SUMF1: variants seen among roughly 807,000 people sequenced by gnomAD.
SUMF1 encodes the protein formylglycine-generating enzyme.
SUMF1 carries 48 observed loss-of-function variants against 47.6 expected under a neutral mutation model. The ratio of observed to expected loss-of-function variants is 1.01; its 90% confidence interval spans 0.80 to 1.28. The LOEUF is 1.28. SUMF1 is among the 50% of genes most tolerant of loss of function. SUMF1 has a pLI of 0.00. For missense variants in SUMF1, 571 were observed against 485.4 expected (o/e 1.18, Z -1.66); for synonymous variants, 230 against 192.1 (o/e 1.20, Z -1.63).
At chr3:4,120,128 A>C (rs1410382991) in intron 8 of SUMF1, among the ~76,000 whole-genome samples, 1 of 152,160 alleles carries the variant, frequency 6.6e-6, no homozygotes, top group Non-Finnish European at 1.5e-5. Context: ...CAGGAAGTCC[A>C]TCTTCCCACA....
intron 1 of SUMF1, among the ~76,000 whole-genome samples, chr3:4,465,872 A>G (rs1377967985): frequency 1.3e-5 from 2 of 152,230 alleles, no homozygotes; most frequent in Non-Finnish European, 2.9e-5. Flanking sequence ...AGGGGAGAGA[A>G]AGAGGAGATC....
At chr3:4,264,740 T>A (rs1172214586) in intron 8 of SUMF1, among the ~76,000 whole-genome samples, 1 of 152,154 alleles carries the variant, frequency 6.6e-6, no homozygotes, top group Non-Finnish European at 1.5e-5. Context: ...TAGCCTGGAC[T>A]CTCTCAGGCT....
chr3:4,253,114 C>T (rs528051314), intron 8 of SUMF1, among the ~76,000 whole-genome samples: 3 of 152,188 alleles, frequency 2.0e-5, no homozygotes, highest in Admixed American at 1.3e-4. Context: ...AAAAAAGGCA[C>T]TGTGAAAAGG....
Position 4,146,160 on chromosome 3 carries a change from C to A in SUMF1, c.1015-77415G>T, listed in dbSNP as rs1264522039. On this transcript the variant is annotated intron_variant and NMD_transcript_variant, in intron 8 of 12. Transcript: ENST00000448413. ...TTACTGCTGAGAGAAAAGAATCGCA[C>A]GTGTGTTCTGGGAGGATTTCAAAGA... Among the ~76,000 whole-genome samples the A allele has an allele frequency of 2.0e-5, 3 of 151,880 alleles. No homozygotes were observed. The South Asian group carries it at 6.2e-4, about 32-fold the overall frequency.
At chr3:4,090,706 T>A (rs969848358) in intron 8 of SUMF1, among the ~76,000 whole-genome samples, 8 of 152,172 alleles carry the variant, frequency 5.3e-5, no homozygotes, top group African/African-American at 1.9e-4. Context: ...ATTTTCACTT[T>A]GCATTTATTC....
intron 5 of SUMF1, among the ~76,000 whole-genome samples, chr3:4,417,793 G>A (rs1468386634): frequency 6.6e-6 from 1 of 152,222 alleles, no homozygotes; most frequent in Non-Finnish European, 1.5e-5. Flanking sequence ...CTTTGGGGCT[G>A]GAGGGAGCCC....
chr3:4,142,608 C>G (rs1345416911), intron 8 of SUMF1, among the ~76,000 whole-genome samples: 1 of 152,022 alleles, frequency 6.6e-6, no homozygotes. Context: ...TTAAGGACTA[C>G]AAAATACAGA....
chr3:4,218,080 G>A (rs576050601), intron 8 of SUMF1, among the ~76,000 whole-genome samples: 24 of 151,918 alleles, frequency 1.6e-4, no homozygotes, highest in Non-Finnish European at 3.2e-4. Context: ...ATTTCTCAGA[G>A]GCTTTAACTG....
chr3:4,144,837 G>A (rs1276297825), intron 8 of SUMF1, among the ~76,000 whole-genome samples: 1 of 152,028 alleles, frequency 6.6e-6, no homozygotes, highest in Admixed American at 6.6e-5. Context: ...TTTATTTTTA[G>A]CTAATTAAAA....
intron 8 of SUMF1, among the ~76,000 whole-genome samples, chr3:4,158,000 T>C (rs1694493197): frequency 6.6e-6 from 1 of 151,630 alleles, no homozygotes; most frequent in South Asian, 2.1e-4. Flanking sequence ...AGAAAAGCAT[T>C]TATTTCATTT....
intron 8 of SUMF1, among the ~76,000 whole-genome samples, chr3:4,136,835 A>G (rs988323430): frequency 5.9e-5 from 9 of 152,132 alleles, no homozygotes; most frequent in Non-Finnish European, 1.2e-4. Context: ...ACTTCTCCAA[A>G]GAAGACATTT....
At chr3:4,119,255 C>G (rs1220430362) in intron 8 of SUMF1, among the ~76,000 whole-genome samples, 1 of 152,134 alleles carries the variant, frequency 6.6e-6, no homozygotes, top group African/African-American at 2.4e-5. Flanking sequence ...CTATTCTCTT[C>G]CTATCCAGTC....
At chr3:4,153,152 T>A (rs1363795568) in intron 8 of SUMF1, among the ~76,000 whole-genome samples, 3 of 151,578 alleles carry the variant, frequency 2.0e-5, no homozygotes, top group Admixed American at 6.6e-5. Context: ...CGTAAATACA[T>A]ACAATAAAAT....
chr3:4,358,943 T>G (rs1246700888), downstream of SUMF1, among the ~76,000 whole-genome samples: 1 of 151,656 alleles, frequency 6.6e-6, no homozygotes, highest in African/African-American at 2.4e-5. Context: ...CCAGTGGAGA[T>G]TGAATTAGGC....
chr3:4,229,463 G>A, intron 8 of SUMF1: 3 of 236,214 alleles, frequency 1.3e-5, no homozygotes, highest in Non-Finnish European at 2.5e-5. Flanking sequence ...GGTAATTTGA[G>A]AAAAACTATT....
chr3:4,363,352 T>C (rs140752202), intron 8 of SUMF1, among the ~76,000 whole-genome samples: 2 of 152,200 alleles, frequency 1.3e-5, no homozygotes, highest in African/African-American at 2.4e-5. Context: ...CATTGCTTTT[T>C]AAAAATACAT....
chr3:4,445,556 G>A (rs957906508), intron 3 of SUMF1, among the ~76,000 whole-genome samples: 3 of 151,972 alleles, frequency 2.0e-5, no homozygotes, highest in African/African-American at 7.3e-5. Context: ...TCTTGCCCAG[G>A]CTGGTCTTGA....
intron 8 of SUMF1, among the ~76,000 whole-genome samples, chr3:4,102,034 C>T (rs1484969433): frequency 1.3e-5 from 2 of 152,118 alleles, no homozygotes; most frequent in African/African-American, 2.4e-5. Context: ...TGAGAACTCA[C>T]TCACTACCAA....
intron 5 of SUMF1, 47 bp from the exon 6 acceptor site, chr3:4,417,289 T>G: frequency 4.3e-4 from 666 of 1,558,870 alleles, no homozygotes; most frequent in Non-Finnish European, 5.4e-4. Context: ...GGCACAGGTT[T>G]TGGATGAAAG....
Sources: allele counts gnomAD v4.1 joint callset (sites outside exome capture counted in the v4.1 genomes callset), GRCh38; gene constraint gnomAD v4.1.1; transcripts MANE v1.5; gene names NCBI Gene and HGNC (gene_info 2026-07-23, HGNC 2026-07-21).